Variants in PCGF3 observed in about 807,000 individuals in gnomAD.
PCGF3 encodes polycomb group RING finger protein 3.
In PCGF3, 7 loss-of-function variants were observed where a neutral mutation model predicts 33.1. That is an observed-to-expected ratio of 0.21 (90% CI 0.12 to 0.40). The LOEUF is 0.40. PCGF3 is among the 10% of genes least tolerant of loss of function. The pLI is 1.00. For synonymous variants in PCGF3, 153 were observed against 121.3 expected, an observed-to-expected ratio of 1.26 and a Z score of -1.72; for missense variants, 211 against 313.3, an observed-to-expected ratio of 0.67 and a Z score of 2.46.
chr4:765,450 G>T (rs1021686989), intron 10 of PCGF3, among the ~76,000 whole-genome samples: 6 of 149,890 alleles, frequency 4.0e-5, no homozygotes, highest in Non-Finnish European at 7.4e-5. Flanking sequence ...AAAAAAAAGT[G>T]ATGACTCAGC....
chr4:737,419 T>A, intron 5 of PCGF3, 47 bp from the exon 6 acceptor site: 2 of 1,242,628 alleles, frequency 1.6e-6, no homozygotes, highest in South Asian at 1.2e-5. Context: ...ACAAGAATTA[T>A]AGAATTAACA....
At chr4:739,518 C>T (rs1258566197) in intron 6 of PCGF3, among the ~76,000 whole-genome samples, 1 of 152,200 alleles carries the variant, frequency 6.6e-6, no homozygotes, top group East Asian at 1.9e-4. Context: ...AATCAGGATC[C>T]AGAGAATACC....
At chr4:758,044 T>C (rs554676470) in intron 8 of PCGF3, among the ~76,000 whole-genome samples, 1 of 151,694 alleles carries the variant, frequency 6.6e-6, no homozygotes, top group Non-Finnish European at 1.5e-5. Flanking sequence ...GGTGCGCGCC[T>C]GTAGTCCCAG....
intron 6 of PCGF3, among the ~76,000 whole-genome samples, chr4:741,321 G>A (rs147151550): frequency 2.7e-3 from 408 of 152,378 alleles, no homozygotes; most frequent in Non-Finnish European, 4.6e-3. Context: ...ATTCGTTAGC[G>A]TTATGCCAAC....
chr4:759,959 C>G (rs1036356476), intron 8 of PCGF3, among the ~76,000 whole-genome samples: 4 of 152,288 alleles, frequency 2.6e-5, no homozygotes, highest in Admixed American at 2.6e-4. Context: ...CCCACGGCCT[C>G]TCTCCCGAGT....
chr4:733,230 C>T (rs1356042373), intron 3 of PCGF3, among the ~76,000 whole-genome samples: 3 of 152,370 alleles, frequency 2.0e-5, no homozygotes, highest in South Asian at 2.1e-4. Context: ...GCCCAAGGGT[C>T]GCGCTGTGAG....
intron 1 of PCGF3, among the ~76,000 whole-genome samples, chr4:712,735 C>G (rs1400240106): frequency 6.6e-6 from 1 of 152,230 alleles, no homozygotes; most frequent in Non-Finnish European, 1.5e-5. Context: ...CGTGAGCCAC[C>G]GCGCCCGGCC....
chr4:750,964 A>T (rs775687509), intron 8 of PCGF3, among the ~76,000 whole-genome samples: 124 of 152,106 alleles, frequency 8.2e-4, no homozygotes, highest in Admixed American at 2.0e-3. Context: ...CAGCTGTGTT[A>T]CGGAGGCCTT....
intron 8 of PCGF3, among the ~76,000 whole-genome samples, chr4:748,430 C>T (rs1350516035): frequency 1.3e-5 from 2 of 152,206 alleles, no homozygotes; most frequent in East Asian, 1.9e-4. Context: ...GAACTTCTGG[C>T]CCGCCTCAGC....
chr4:710,554 GCGA>G (rs1742520195), intron 1 of PCGF3, among the ~76,000 whole-genome samples: 1 of 152,250 alleles, frequency 6.6e-6, no homozygotes, highest in South Asian at 2.1e-4. Context: ...AAGTAAATCA[GCGA>G]TTGCGTGTGG....
intron 1 of PCGF3, among the ~76,000 whole-genome samples, chr4:707,224 G>A (rs889846955): frequency 6.6e-6 from 1 of 151,638 alleles, no homozygotes; most frequent in East Asian, 2.0e-4. Context: ...GGCCCGGGGG[G>A]GCTAGGACCC....
chr4:728,236 TAACA>T (rs1220650829), intron 1 of PCGF3, among the ~76,000 whole-genome samples: 2 of 152,154 alleles, frequency 1.3e-5, no homozygotes, highest in Non-Finnish European at 2.9e-5. Context: ...ACCAAAACAA[TAACA>T]AATAACAGTA....
intron 1 of PCGF3, among the ~76,000 whole-genome samples, chr4:730,362 C>T (rs1743499572): frequency 6.6e-6 from 1 of 152,162 alleles, no homozygotes; most frequent in African/African-American, 2.4e-5. Context: ...ATGATGGGGC[C>T]CCCAGCTGCC....
At chr4:711,743 C>A (rs1047821277) in intron 1 of PCGF3, among the ~76,000 whole-genome samples, 3 of 151,710 alleles carry the variant, frequency 2.0e-5, no homozygotes, top group African/African-American at 7.3e-5. Flanking sequence ...AGGCGTGAGC[C>A]ACCGCACCCG....
chr4:738,038 C>T (rs192419999), intron 6 of PCGF3, among the ~76,000 whole-genome samples: 34 of 152,380 alleles, frequency 2.2e-4, no homozygotes, highest in Non-Finnish European at 4.6e-4. Context: ...CAGCTGAAAG[C>T]TCCCCAGCTC....
intron 8 of PCGF3, among the ~76,000 whole-genome samples, chr4:760,056 G>A (rs373721396): frequency 3.9e-5 from 6 of 152,190 alleles, no homozygotes; most frequent in South Asian, 4.1e-4. Flanking sequence ...ATCCCACCCC[G>A]GAGCAAGGAT....
At chr4:765,967 A>T (rs1745348953) in intron 10 of PCGF3, 65 bp from the exon 11 acceptor site, 2 of 1,455,312 alleles carry the variant, frequency 1.4e-6, no homozygotes, top group Non-Finnish European at 1.9e-6. Context: ...ACCCTTCCCG[A>T]TGAAGTAGGT....
At chr4:757,068 T>C (rs1244210558) in intron 8 of PCGF3, 1 of 152,274 alleles carries the variant, frequency 6.6e-6, no homozygotes, top group African/African-American at 2.4e-5. Flanking sequence ...TCTGCCGCTG[T>C]CTGTAGTGAC....
intron 1 of PCGF3, among the ~76,000 whole-genome samples, chr4:719,968 C>A (rs1052024831): frequency 1.3e-5 from 2 of 152,156 alleles, no homozygotes; most frequent in Non-Finnish European, 2.9e-5. Flanking sequence ...CGGTTCACAG[C>A]GTTGTGAACA....
Sources: allele counts gnomAD v4.1 joint callset (sites outside exome capture counted in the v4.1 genomes callset), GRCh38; gene constraint gnomAD v4.1.1; transcripts MANE v1.5; gene names NCBI Gene and HGNC (gene_info 2026-07-23, HGNC 2026-07-21).